SLC9C1: variants seen among roughly 807,000 people sequenced by gnomAD.
The protein encoded by SLC9C1 is sodium/hydrogen exchanger 10.
SLC9C1 carries 97 observed loss-of-function variants against 140.9 expected under a neutral mutation model. The observed-to-expected ratio is 0.69, with a 90% CI of 0.58 to 0.82. SLC9C1 has a LOEUF of 0.82. Among genes scored for constraint, SLC9C1 ranks in the 40% least tolerant of loss-of-function variants. The pLI is 0.00. For missense variants in SLC9C1, 1,340 were observed against 1,389.3 expected (o/e 0.96, Z 0.56); for synonymous variants, 440 against 442.6 (o/e 0.99, Z 0.07).
At chr3:112,253,970 A>T (rs1210802484) in intron 10 of SLC9C1, among the ~76,000 whole-genome samples, 1 of 152,242 alleles carries the variant, frequency 6.6e-6, no homozygotes, top group Non-Finnish European at 1.5e-5. Flanking sequence ...CAGCAGAATA[A>T]ACCAAGATGA....
intron 20 of SLC9C1, among the ~76,000 whole-genome samples, chr3:112,191,870 C>A (rs2077667731): frequency 6.6e-6 from 1 of 151,878 alleles, no homozygotes; most frequent in Admixed American, 6.6e-5. Context: ...AATAATCTAT[C>A]ATTTCTTCCT....
At chr3:112,192,312 T>G (rs567628353) in intron 20 of SLC9C1, among the ~76,000 whole-genome samples, 8 of 152,272 alleles carry the variant, frequency 5.3e-5, no homozygotes, top group African/African-American at 1.9e-4. Flanking sequence ...TTTCTCTATC[T>G]TTTGATTCTC....
intron 10 of SLC9C1, among the ~76,000 whole-genome samples, chr3:112,252,806 GC>G (rs1234386254): frequency 6.6e-6 from 1 of 152,104 alleles, no homozygotes; most frequent in East Asian, 1.9e-4. Context: ...AGGTCAGACT[GC>G]TTTTTTAAGT....
chr3:112,182,088 TG>T (rs1223060983), intron 21 of SLC9C1, 44 bp downstream of exon 21: 3 of 1,277,868 alleles, frequency 2.3e-6, no homozygotes, highest in Admixed American at 2.7e-5. Flanking sequence ...AAAGATTATT[TG>T]TTAGTACATT....
intron 3 of SLC9C1, 73 bp from the exon 4 acceptor site, chr3:112,278,930 T>C: frequency 2.1e-6 from 3 of 1,461,430 alleles, no homozygotes; most frequent in Non-Finnish European, 2.8e-6. Flanking sequence ...TAGGTGCTCC[T>C]AAATCTAACA....
At chr3:112,241,648 C>A (rs190463369) in intron 11 of SLC9C1, among the ~76,000 whole-genome samples, 31 of 152,280 alleles carry the variant, frequency 2.0e-4, no homozygotes, top group Admixed American at 2.0e-4. Flanking sequence ...CAATGCAATC[C>A]TAAGCAAACA....
At chr3:112,209,693 C>T (rs2078149815) in intron 15 of SLC9C1, among the ~76,000 whole-genome samples, 2 of 151,932 alleles carry the variant, frequency 1.3e-5, no homozygotes, top group African/African-American at 2.4e-5. Flanking sequence ...TTTCTATACA[C>T]TAGAAAGTAC....
Position 112,280,517 on chromosome 3 carries a change from C to T in SLC9C1, c.189+166G>A, listed in dbSNP as rs544488626. Among the ~76,000 whole-genome samples the T allele has an allele frequency of 2.6e-5, 4 of 152,282 alleles. No individual in the cohort carries two copies. In the South Asian group the frequency reaches 8.3e-4, roughly 32 times the overall value. ...CAGCTAGATCTCAGCTTTTGCAGGC[C>T]TGGCTCCTTTTTCTACATACCTGAC... On this transcript the variant is annotated intron_variant, in intron 3 of 28. Transcript: ENST00000305815.
intron 26 of SLC9C1, among the ~76,000 whole-genome samples, chr3:112,161,964 T>G (rs1380869394): frequency 1.3e-5 from 2 of 152,018 alleles, no homozygotes; most frequent in African/African-American, 4.8e-5. Context: ...GGTTTGTAGT[T>G]CTCCGTGAAG....
At chr3:112,143,761 G>C (rs2074701251) in intron 28 of SLC9C1, among the ~76,000 whole-genome samples, 1 of 152,078 alleles carries the variant, frequency 6.6e-6, no homozygotes, top group African/African-American at 2.4e-5. Flanking sequence ...GTCAGTTTCT[G>C]TTTTTGTTGC....
chr3:112,264,438 TAC>T, intron 8 of SLC9C1, 95 bp from the exon 9 acceptor site: 4 of 652,986 alleles, frequency 6.1e-6, no homozygotes, highest in Non-Finnish European at 8.7e-6. Flanking sequence ...TGCTAATGAT[TAC>T]CAAAAAATGA....
At position 112,276,759 on chromosome 3, in the gene SLC9C1, C is replaced by T. The variant is rs114722102; in HGVS notation, c.484+936G>A. On this transcript the variant is annotated intron_variant, in intron 5 of 28. Coordinates refer to ENST00000305815, the MANE Select transcript of SLC9C1 (RefSeq NM_183061.3). ...GCTGGCACTGACAGTCACAAGGAGG[C>T]AGGGATGTGTGCTGAGAGTATGGGG... Among the ~76,000 whole-genome samples, 349 of 151,994 alleles carry T rather than the reference C, an allele frequency of 2.3e-3. 1 individual carries two copies. The highest frequency in any genetic ancestry group is 7.9e-3 in the African/African-American group (329 of 41,470).
rs1440182269 is a variant in SLC9C1, at chr3:112,160,867, C to G, written c.3365-5818G>C. 2.0e-5 allele frequency among the ~76,000 whole-genome samples: 3 copies of G among 152,156 alleles called. No homozygotes were observed. The East Asian group carries it at 5.8e-4, about 29-fold the overall frequency. ...CACACTGACTTCCACAATGGTTGAA[C>G]TAGTTTACAGTCCCACCAACAGTGC... On this transcript the variant is annotated intron_variant, in intron 26 of 28. Coordinates refer to ENST00000305815, the MANE Select transcript of SLC9C1 (RefSeq NM_183061.3).
intron 15 of SLC9C1, among the ~76,000 whole-genome samples, chr3:112,213,979 G>A (rs1421421296): frequency 6.6e-6 from 1 of 152,174 alleles, no homozygotes; most frequent in Non-Finnish European, 1.5e-5. Context: ...CTCAGCAAAT[G>A]TAAAAGAACA....
intron 5 of SLC9C1, among the ~76,000 whole-genome samples, chr3:112,276,832 C>T (rs1000885302): frequency 3.3e-5 from 5 of 152,032 alleles, no homozygotes; most frequent in Non-Finnish European, 7.4e-5. Context: ...GCATCTTCTT[C>T]TAAAGTGTTA....
At chr3:112,213,379 G>A (rs1280560930) in intron 15 of SLC9C1, among the ~76,000 whole-genome samples, 1 of 152,074 alleles carries the variant, frequency 6.6e-6, no homozygotes, top group Non-Finnish European at 1.5e-5. Flanking sequence ...ATATAAATGG[G>A]CTAAATGCTC....
At chr3:112,173,260 T>A (rs1458033001) in intron 23 of SLC9C1, among the ~76,000 whole-genome samples, 2 of 152,216 alleles carry the variant, frequency 1.3e-5, no homozygotes, top group Non-Finnish European at 2.9e-5. Context: ...TAAGTAAATT[T>A]TGACGTGTGT....
intron 13 of SLC9C1, among the ~76,000 whole-genome samples, chr3:112,224,450 G>T (rs1342484906): frequency 6.6e-6 from 1 of 151,956 alleles, no homozygotes; most frequent in East Asian, 1.9e-4. Flanking sequence ...GAACACAATA[G>T]TTCACCAGCA....
intron 16 of SLC9C1, 106 bp from the exon 17 acceptor site, chr3:112,204,509 C>T (rs1018034762): frequency 2.6e-5 from 32 of 1,209,646 alleles, no homozygotes; most frequent in Non-Finnish European, 3.6e-5. Context: ...TTATCTACTC[C>T]ACATGTATGA....
Sources: gnomAD v4.1 joint callset for allele counts (sites outside exome capture counted in the v4.1 genomes callset) on GRCh38, gnomAD v4.1.1 for gene constraint, MANE v1.5 for transcripts, NCBI Gene and HGNC (gene_info 2026-07-23, HGNC 2026-07-21) for gene names.